The following GOLPH3L variants were observed in gnomAD, a reference collection of about 807,000 sequenced individuals.
GOLPH3L encodes golgi phosphoprotein 3 like.
Under a neutral mutation model 30.3 loss-of-function variants are expected in GOLPH3L, and 22 were observed. The ratio of observed to expected loss-of-function variants is 0.73; its 90% CI spans 0.52 to 1.04. The LOEUF (loss-of-function observed/expected upper bound fraction) is 1.04. Among genes scored for constraint, GOLPH3L ranks in the 50% least tolerant of loss-of-function variants. GOLPH3L has a pLI of 0.00. For synonymous variants in GOLPH3L, 120 were observed against 128.2 expected (o/e 0.94, Z 0.43); for missense variants, 303 against 345.8 (o/e 0.88, Z 0.98).
At chr1:150,666,754 G>A (rs902444344) in intron 2 of GOLPH3L, among the ~76,000 whole-genome samples, 3 of 151,972 alleles carry the variant, frequency 2.0e-5, no homozygotes, top group Non-Finnish European at 4.4e-5. Flanking sequence ...TTTCACATTT[G>A]TCTGGTGATT....
At position 150,646,931 on chromosome 1, in the gene GOLPH3L, GCTT is replaced by G. The variant is rs773343877; in HGVS notation, c.*1387_*1389del. 1 of 152,132 alleles carries G rather than the reference GCTT, an allele frequency of 6.6e-6. No individual in the cohort carries two copies. The highest frequency in any genetic ancestry group is 1.5e-5 in the Non-Finnish European group (1 of 68,022). 9.4% of individuals were successfully genotyped at this position (152,132 alleles called of 1,614,324 possible). ...TTTAAATAGGATCTTTCTTAATAAA[GCTT>G]CTCATTGCCCTCACTACTGAAGTAA... On this transcript the variant is annotated 3_prime_UTR_variant, in exon 5 of 5. Transcript: ENST00000271732.
intron 2 of GOLPH3L, among the ~76,000 whole-genome samples, chr1:150,674,284 G>T (rs188606420): frequency 1.4e-5 from 2 of 148,042 alleles, no homozygotes; most frequent in Admixed American, 6.7e-5. Context: ...TTTTTGAGAT[G>T]GAGTCTTTCT....
chr1:150,684,621 G>A (rs1651040676), intron 2 of GOLPH3L, among the ~76,000 whole-genome samples: 1 of 152,126 alleles, frequency 6.6e-6, no homozygotes, highest in East Asian at 1.9e-4. Context: ...AGAGTGAACT[G>A]ACAAGAAAAA....
chr1:150,673,269 A>G (rs1650684864), intron 2 of GOLPH3L, among the ~76,000 whole-genome samples: 1 of 152,158 alleles, frequency 6.6e-6, no homozygotes. Flanking sequence ...TTGTCCAAAG[A>G]AAACGGAAGA....
At position 150,694,865 on chromosome 1, in the gene GOLPH3L, G is replaced by T; in HGVS notation, c.-12-15C>A. On this transcript the variant is annotated splice_polypyrimidine_tract_variant and intron_variant, in intron 1 of 4. Transcript: ENST00000271732. ...CTCACCTGTTTCTGGAGGGAGTGGT[G>T]AAAAAAAAAATCCATATGTATGCTT... 7.2e-7 allele frequency: 1 copy of T among 1,392,598 alleles called. No homozygotes were observed. Among genetic ancestry groups the T allele is most frequent in the Non-Finnish European group, 9.7e-7 (1 of 1,035,302 alleles). 86.3% of individuals were successfully genotyped at this position (1,392,598 alleles called of 1,614,324 possible). A position where few individuals can be genotyped will look rare whatever the true frequency, so the allele number is the denominator to read the frequency against.
At chr1:150,683,644 G>C (rs1469552918) in intron 2 of GOLPH3L, among the ~76,000 whole-genome samples, 1 of 133,432 alleles carries the variant, frequency 7.5e-6, no homozygotes, top group Non-Finnish European at 1.5e-5. Context: ...CGGAAGCAGC[G>C]AGCCAAGATC....
chr1:150,681,362 G>A (rs995574871), intron 2 of GOLPH3L, among the ~76,000 whole-genome samples: 3 of 152,068 alleles, frequency 2.0e-5, no homozygotes, highest in Non-Finnish European at 2.9e-5. Flanking sequence ...AATAAAAGAT[G>A]GTTACTAAGC....
intron 2 of GOLPH3L, among the ~76,000 whole-genome samples, chr1:150,665,421 G>A (rs1189754983): frequency 1.3e-5 from 2 of 151,808 alleles, no homozygotes; most frequent in South Asian, 4.2e-4. Flanking sequence ...TGAACTCCAG[G>A]GCTCAAACAA....
At position 150,648,358 on chromosome 1, in the gene GOLPH3L, A is replaced by G; in HGVS notation, c.821T>C (p.Met274Thr). ...VEGTKPSATE[M>T]IWAVLAAFNK... Reference sequence around the variant, plus strand: ...GAAGGCTGCCAGCACAGCCCAGATCATTTCTGTGGCACTAGGCTTTGTCCC... The same window carrying G: ...GAAGGCTGCCAGCACAGCCCAGATCGTTTCTGTGGCACTAGGCTTTGTCCC... The change falls in exon 5 of 5, where the codon ATG (methionine) becomes ACG (threonine). Residue 274 changes from methionine to threonine, a missense_variant. Met to Thr is a moderately conservative substitution (Grantham distance 81). Coordinates refer to ENST00000271732, the MANE Select transcript of GOLPH3L (RefSeq NM_018178.6). 1 of 1,613,454 alleles carries G rather than the reference A, an allele frequency of 6.2e-7. No individual in the cohort carries two copies. The highest frequency in any genetic ancestry group is 1.7e-4 in the Middle Eastern group (1 of 6,040).
chr1:150,682,520 T>C (rs1650978535), intron 2 of GOLPH3L, among the ~76,000 whole-genome samples: 1 of 149,138 alleles, frequency 6.7e-6, no homozygotes, highest in Non-Finnish European at 1.5e-5. Context: ...TTCCAGCTAC[T>C]TGGGAAGCTG....
At chr1:150,661,565 T>A (rs1225872702) in intron 4 of GOLPH3L, among the ~76,000 whole-genome samples, 1 of 152,130 alleles carries the variant, frequency 6.6e-6, no homozygotes, top group South Asian at 2.1e-4. Context: ...TCAATAAAGA[T>A]GTTTTAAAAG....
At chr1:150,686,288 C>T (rs1174474229) in intron 2 of GOLPH3L, among the ~76,000 whole-genome samples, 1 of 152,172 alleles carries the variant, frequency 6.6e-6, no homozygotes, top group Admixed American at 6.5e-5. Context: ...GATCATAGCT[C>T]AATGCAGCTT....
chr1:150,656,138 C>T (rs1235492423), intron 4 of GOLPH3L, among the ~76,000 whole-genome samples: 1 of 152,194 alleles, frequency 6.6e-6, no homozygotes, highest in Non-Finnish European at 1.5e-5. Context: ...TGTATTTGTG[C>T]TGCCCCCACT....
intron 2 of GOLPH3L, among the ~76,000 whole-genome samples, chr1:150,693,107 G>A (rs1014928395): frequency 6.6e-6 from 1 of 152,116 alleles, no homozygotes; most frequent in Non-Finnish European, 1.5e-5. Context: ...ATATTTCCGG[G>A]CAAGAATTTC....
intron 2 of GOLPH3L, among the ~76,000 whole-genome samples, chr1:150,678,824 C>G (rs953337239): frequency 2.6e-5 from 4 of 152,062 alleles, no homozygotes; most frequent in Admixed American, 2.0e-4. Flanking sequence ...TGTGGTGGCA[C>G]ACGCCTGTAG....
intron 2 of GOLPH3L, among the ~76,000 whole-genome samples, chr1:150,677,979 A>G (rs1274030169): frequency 6.6e-6 from 1 of 151,868 alleles, no homozygotes; most frequent in Non-Finnish European, 1.5e-5. Context: ...ATGGGTTATC[A>G]AGTAAAAAGG....
chr1:150,666,396 GTGCAATGGCACAATCTCGGCTCAC>G (rs1650499211), intron 2 of GOLPH3L, among the ~76,000 whole-genome samples: 1 of 152,142 alleles, frequency 6.6e-6, no homozygotes, highest in Non-Finnish European at 1.5e-5. Context: ...CCAGGCTGGA[GTGCAATGGCACAATCTCGGCTCAC>G]TGCAACCTCC....
At chr1:150,651,109 G>C (rs587691405) in intron 4 of GOLPH3L, among the ~76,000 whole-genome samples, 1 of 152,268 alleles carries the variant, frequency 6.6e-6, no homozygotes, top group East Asian at 1.9e-4. Context: ...TTGAGGCCAG[G>C]AGTTCAAGAC....
chr1:150,649,822 G>T (rs141023458), intron 4 of GOLPH3L, among the ~76,000 whole-genome samples: 1 of 152,074 alleles, frequency 6.6e-6, no homozygotes, highest in East Asian at 1.9e-4. Flanking sequence ...GCAACTCCTA[G>T]AAAGCTAAGC....
Sources: allele counts gnomAD v4.1 joint callset (sites outside exome capture counted in the v4.1 genomes callset), GRCh38; gene constraint gnomAD v4.1.1; transcripts MANE v1.5; gene names NCBI Gene and HGNC (gene_info 2026-07-23, HGNC 2026-07-21).